BRINP3: variants seen among roughly 807,000 people sequenced by gnomAD.
BRINP3 encodes the protein BMP/retinoic acid inducible neural specific 3, also known as BMP/retinoic acid-inducible neural-specific protein 3.
Under a neutral mutation model 71.0 loss-of-function variants are expected in BRINP3, and 19 were observed. The observed-to-expected ratio is 0.27, with a 90% CI of 0.19 to 0.39. The LOEUF (loss-of-function observed/expected upper bound fraction) is 0.39. Among genes scored for constraint, BRINP3 ranks in the 10% least tolerant of loss-of-function variants. The pLI is 1.00. For synonymous variants in BRINP3, 380 were observed against 337.7 expected, an observed-to-expected ratio of 1.13 and a Z score of -1.37; for missense variants, 959 against 940.8, an observed-to-expected ratio of 1.02 and a Z score of -0.25.
intron 1 of BRINP3, among the ~76,000 whole-genome samples, chr1:190,462,110 C>T (rs971684551): frequency 2.0e-5 from 3 of 151,932 alleles, no homozygotes; most frequent in African/African-American, 7.2e-5. Context: ...TGGGATTTCA[C>T]CATGTTGGTC....
intron 2 of BRINP3, among the ~76,000 whole-genome samples, chr1:190,395,951 TGAAA>T (rs1221202467): frequency 6.7e-6 from 1 of 148,162 alleles, no homozygotes; most frequent in Non-Finnish European, 1.5e-5. Context: ...AGAAAAATAA[TGAAA>T]GAAAAGAGCA....
intron 7 of BRINP3, among the ~76,000 whole-genome samples, chr1:190,158,788 G>A (rs949271535): frequency 6.7e-6 from 1 of 149,294 alleles, no homozygotes; most frequent in South Asian, 2.1e-4. Context: ...AAAATAATAA[G>A]GACTATCAAG....
At chr1:190,327,012 G>GA (rs34143992) in intron 2 of BRINP3, among the ~76,000 whole-genome samples, 1,447 of 137,320 alleles carry the variant, frequency 0.011, 9 homozygotes, top group East Asian at 0.045. Flanking sequence ...TGTCAAGTTA[G>GA]AAAAAAAAAA....
At chr1:190,155,179 A>C (rs1656757332) in intron 7 of BRINP3, among the ~76,000 whole-genome samples, 1 of 152,144 alleles carries the variant, frequency 6.6e-6, no homozygotes, top group East Asian at 1.9e-4. Flanking sequence ...CATAGCTCTT[A>C]TATAATGAAT....
chr1:190,285,642 G>C (rs939980492), intron 2 of BRINP3, among the ~76,000 whole-genome samples: 3 of 151,806 alleles, frequency 2.0e-5, no homozygotes, highest in Admixed American at 2.0e-4. Context: ...TTGATGTAAA[G>C]TTTTTTGACT....
chr1:190,282,444 A>G lies in BRINP3; in HGVS notation c.237-694T>C, dbSNP rs900692896. On this transcript the variant is annotated intron_variant, in intron 2 of 7. Coordinates refer to ENST00000367462, the MANE Select transcript of BRINP3 (RefSeq NM_199051.3). ...TGAGATAAAATCAATCTGATAATAA[A>G]TTAGAAAAGAATTATAGCAAACTGC... 1.8e-4 allele frequency among the ~76,000 whole-genome samples: 28 copies of G among 151,990 alleles called. 1 individual carries two copies. Among genetic ancestry groups the G allele is most frequent in the African/African-American group, 6.5e-4 (27 of 41,416 alleles).
chr1:190,191,898 C>T (rs537640211), intron 6 of BRINP3, among the ~76,000 whole-genome samples: 116 of 151,948 alleles, frequency 7.6e-4, no homozygotes, highest in Non-Finnish European at 1.2e-3. Context: ...ATTCTTGTTA[C>T]TGCATTAAGG....
chr1:190,427,912 A>G (rs1673830057), intron 2 of BRINP3, among the ~76,000 whole-genome samples: 1 of 151,030 alleles, frequency 6.6e-6, no homozygotes, highest in South Asian at 2.1e-4. Context: ...ATGCCCCAAA[A>G]GACCACAGTG....
intron 2 of BRINP3, among the ~76,000 whole-genome samples, chr1:190,379,741 T>G (rs1334302493): frequency 6.6e-6 from 1 of 152,056 alleles, no homozygotes; most frequent in East Asian, 1.9e-4. Context: ...GGTTCATGCC[T>G]GTAATCCCAG....
chr1:190,411,000 A>C (rs1162253221), intron 2 of BRINP3, among the ~76,000 whole-genome samples: 2 of 152,142 alleles, frequency 1.3e-5, no homozygotes, highest in African/African-American at 2.4e-5. Flanking sequence ...GTCAAAAAAA[A>C]CCAAGACGAC....
chr1:190,338,943 G>A (rs190594397), intron 2 of BRINP3, among the ~76,000 whole-genome samples: 1 of 151,776 alleles, frequency 6.6e-6, no homozygotes, highest in East Asian at 1.9e-4. Context: ...GATGGTGTAA[G>A]CAAGTATATA....
At chr1:190,410,447 G>C (rs1226079750) in intron 2 of BRINP3, among the ~76,000 whole-genome samples, 1 of 152,052 alleles carries the variant, frequency 6.6e-6, no homozygotes, top group Non-Finnish European at 1.5e-5. Flanking sequence ...TAAAGAAAGA[G>C]ATAAAAAATA....
rs370076845 is a variant in BRINP3, at chr1:190,202,014, C to T, written c.961+24068G>A. 1.6e-4 allele frequency among the ~76,000 whole-genome samples: 24 copies of T among 152,130 alleles called. 1 individual carries two copies. Among genetic ancestry groups the T allele is most frequent in the African/African-American group, 5.8e-4 (24 of 41,442 alleles). On this transcript the variant is annotated intron_variant, in intron 6 of 7. Coordinates refer to ENST00000367462, the MANE Select transcript of BRINP3 (RefSeq NM_199051.3). ...GGAGCTGTGAGAAGAGGGCCACCAC[C>T]CTCCAGACCCTAGAATGGTACATCC...
intron 2 of BRINP3, among the ~76,000 whole-genome samples, chr1:190,435,911 T>G (rs577348456): frequency 6.6e-6 from 1 of 152,124 alleles, no homozygotes; most frequent in South Asian, 2.1e-4. Flanking sequence ...GCCTTTGAGC[T>G]TTTCACAACC....
At chr1:190,251,851 T>C (rs1660175814) in intron 4 of BRINP3, among the ~76,000 whole-genome samples, 1 of 149,988 alleles carries the variant, frequency 6.7e-6, no homozygotes, top group African/African-American at 2.5e-5. Context: ...TGCTCATACA[T>C]TTCAAAACCA....
intron 2 of BRINP3, among the ~76,000 whole-genome samples, chr1:190,283,839 C>T (rs1218373984): frequency 6.6e-6 from 1 of 151,390 alleles, no homozygotes; most frequent in Non-Finnish European, 1.5e-5. Context: ...GGCTTATGCT[C>T]AAACATTTAA....
chr1:190,371,980 G>A (rs565742411), intron 2 of BRINP3, among the ~76,000 whole-genome samples: 32 of 152,226 alleles, frequency 2.1e-4, no homozygotes, highest in African/African-American at 7.7e-4. Flanking sequence ...TGTTAAAATG[G>A]CACAGGATGA....
At chr1:190,136,226 T>C (rs942430073) in intron 7 of BRINP3, among the ~76,000 whole-genome samples, 2 of 152,150 alleles carry the variant, frequency 1.3e-5, no homozygotes, top group Non-Finnish European at 2.9e-5. Context: ...AAATTTTCTT[T>C]ATATTTTGTT....
chr1:190,186,594 C>G (rs1250381612), intron 6 of BRINP3, among the ~76,000 whole-genome samples: 2 of 152,142 alleles, frequency 1.3e-5, no homozygotes, highest in Non-Finnish European at 2.9e-5. Flanking sequence ...TTCATTCATT[C>G]TGTTTCCTTT....
Sources: allele counts gnomAD v4.1 joint callset (sites outside exome capture counted in the v4.1 genomes callset), GRCh38; gene constraint gnomAD v4.1.1; transcripts MANE v1.5; gene names NCBI Gene and HGNC (gene_info 2026-07-23, HGNC 2026-07-21).